RPS19: variants seen among roughly 807,000 people sequenced by gnomAD.
The protein encoded by RPS19 is small ribosomal subunit protein eS19.
RPS19 carries 1 observed loss-of-function variant against 20.3 expected under a neutral mutation model. That is an observed-to-expected ratio of 0.05 (90% CI 0.02 to 0.23). The LOEUF (loss-of-function observed/expected upper bound fraction) is 0.23, where lower values mean the gene tolerates loss of function less well. Among genes scored for constraint, RPS19 ranks in the 10% least tolerant of loss-of-function variants. The pLI is 1.00. For synonymous variants in RPS19, 87 were observed against 74.8 expected, an observed-to-expected ratio of 1.16 and a Z score of -0.84; for missense variants, 111 against 192.7, an observed-to-expected ratio of 0.58 and a Z score of 2.51.
intron 3 of RPS19, chr19:41,864,168 T>G (rs186747771): frequency 1.3e-5 from 2 of 152,274 alleles, no homozygotes; most frequent in East Asian, 3.9e-4. Context: ...TCTTAATTCT[T>G]TAAAGGACCT....
In RPS19 at chr19:41,868,401, C is replaced by G. The variant is rs570579846; in HGVS notation, c.173-630C>G. Among the ~76,000 whole-genome samples the G allele has an allele frequency of 8.5e-5, 13 of 152,276 alleles. No individual in the cohort carries two copies. The East Asian group carries it at 1.5e-3, about 18-fold the overall frequency. On this transcript the variant is annotated intron_variant, in intron 3 of 5. Coordinates refer to ENST00000598742, the MANE Select transcript of RPS19 (RefSeq NM_001022.4). Reference sequence around the variant, plus strand: ...CTCAGGTGAAGAAGGGTGGAGAGATCGAAAAGCATTTGGCACAGGGCCTGG... The same window carrying G: ...CTCAGGTGAAGAAGGGTGGAGAGATGGAAAAGCATTTGGCACAGGGCCTGG...
At chr19:41,869,299 G>A in intron 4 of RPS19, 85 bp downstream of exon 4, 2 of 1,295,004 alleles carry the variant, frequency 1.5e-6, no homozygotes, top group South Asian at 1.3e-5. Context: ...TGCATAGTCT[G>A]CCCAGCCCCT....
chr19:41,861,014 C>G (rs1035338195), intron 2 of RPS19, 98 bp from the exon 3 acceptor site: 2 of 1,131,302 alleles, frequency 1.8e-6, no homozygotes, highest in Non-Finnish European at 2.7e-6. Flanking sequence ...TCTTTGTACT[C>G]TGGGCACAGC....
chr19:41,861,377 T>TC (rs2074030356), intron 3 of RPS19, 165 bp downstream of exon 3: 1 of 647,392 alleles, frequency 1.5e-6, no homozygotes, highest in Non-Finnish European at 2.8e-6. Flanking sequence ...AACTTGGTAC[T>TC]CCAAGTTTTT....
intron 3 of RPS19, among the ~76,000 whole-genome samples, chr19:41,866,371 G>A (rs1241748988): frequency 1.3e-5 from 2 of 152,266 alleles, no homozygotes; most frequent in Non-Finnish European, 2.9e-5. Flanking sequence ...ACCAGCTACA[G>A]GGCCCAGAGG....
At position 41,871,900 on chromosome 19, in the gene RPS19, C is replaced by G. The variant is rs1323339558; in HGVS notation, c.*523C>G. ...AGAGGGCCCAGGGTTCATGCTCTTC[C>G]CTGGAAGGTAGAAAAGGACAGACCA... is the stretch of plus-strand genomic sequence containing the variant. On this transcript the variant is annotated 3_prime_UTR_variant, in exon 6 of 6. Transcript: ENST00000598742. The G allele has an allele frequency of 2.3e-5, 4 of 174,598 alleles. No homozygotes were observed. Among genetic ancestry groups the G allele is most frequent in the African/African-American group, 9.6e-5 (4 of 41,736 alleles). 10.8% of individuals were successfully genotyped at this position (174,598 alleles called of 1,614,324 possible).
chr19:41,860,927 C>G, intron 2 of RPS19, 82 bp downstream of exon 2: 1 of 1,339,670 alleles, frequency 7.5e-7, no homozygotes, highest in Non-Finnish European at 1.1e-6. Flanking sequence ...TTGCCGGTCC[C>G]TGGCAGGCGA....
At position 41,862,884 on chromosome 19, in the gene RPS19, G is replaced by C. The variant is rs376001432; in HGVS notation, c.172+1672G>C. ...CCAGCTGTCCTAGCGGCATAGGATGGTTGTGTGGTAGACCAGAGGCCTGTT... is the reference window on the plus strand; with the variant it reads ...CCAGCTGTCCTAGCGGCATAGGATGCTTGTGTGGTAGACCAGAGGCCTGTT... On this transcript the variant is annotated intron_variant, in intron 3 of 5. Transcript: ENST00000598742. Among the ~76,000 whole-genome samples, 12 of 152,258 alleles carry C rather than the reference G, an allele frequency of 7.9e-5. No homozygotes were observed. The South Asian group carries it at 2.1e-3, about 26-fold the overall frequency.
At chr19:41,870,782 G>C (rs1489726363) in intron 5 of RPS19, among the ~76,000 whole-genome samples, 1 of 151,018 alleles carries the variant, frequency 6.6e-6, no homozygotes, top group Non-Finnish European at 1.5e-5. Context: ...ATCATTGCTG[G>C]TGGTTGGATG....
In RPS19 at chr19:41,869,228, A is replaced by C. The variant is rs1366610; in HGVS notation, c.356+14A>C. ...GGACCAAGATGGGTAAGCAGGGTAGAGGGGGCTGCATTGATGGAGTAGCCT... is the reference window on the plus strand; with the variant it reads ...GGACCAAGATGGGTAAGCAGGGTAGCGGGGGCTGCATTGATGGAGTAGCCT... On this transcript the variant is annotated intron_variant, in intron 4 of 5. Coordinates refer to ENST00000598742, the MANE Select transcript of RPS19 (RefSeq NM_001022.4). 11 of 1,610,426 alleles carry C rather than the reference A, an allele frequency of 6.8e-6. No homozygotes were observed. The highest frequency in any genetic ancestry group is 1.7e-5 in the Admixed American group (1 of 59,806).
chr19:41,868,982 C>G, intron 3 of RPS19, 49 bp from the exon 4 acceptor site: 2 of 1,574,388 alleles, frequency 1.3e-6, no homozygotes, highest in Non-Finnish European at 1.7e-6. Context: ...AATTGTTTAC[C>G]TGAGACCTTG....
chr19:41,868,867 C>T (rs1311612248), intron 3 of RPS19, among the ~76,000 whole-genome samples, 164 bp from the exon 4 acceptor site: 1 of 144,524 alleles, frequency 6.9e-6, no homozygotes, highest in Admixed American at 6.9e-5. Flanking sequence ...AAGAGCTAGC[C>T]GGGGGGGTGG....
intron 3 of RPS19, among the ~76,000 whole-genome samples, chr19:41,865,754 C>G (rs1403628338): frequency 1.3e-5 from 2 of 151,052 alleles, no homozygotes; most frequent in Non-Finnish European, 2.9e-5. Flanking sequence ...CGAGACCATC[C>G]TGGCTAACAT....
Position 41,860,813 on chromosome 19 carries a change from G to C in RPS19, c.39G>C (p.Glu13Asp). The C allele has an allele frequency of 6.2e-7, 1 of 1,614,036 alleles. No homozygotes were observed. Among genetic ancestry groups the C allele is most frequent in the Non-Finnish European group, 8.5e-7 (1 of 1,179,880 alleles). The change falls in exon 2 of 6, where the codon GAG (glutamate) becomes GAC (aspartate). Residue 13 changes from glutamate (E) to aspartate (D), a missense_variant. Glu to Asp is a conservative substitution (Grantham distance 45). Coordinates refer to ENST00000598742, the MANE Select transcript of RPS19 (RefSeq NM_001022.4). ...GVTVKDVNQQ[E>D]FVRALAAFLK... ...CTGTAAAAGACGTGAACCAGCAGGA[G>C]TTCGTCAGAGCTCTGGCAGCCTTCC... is the stretch of plus-strand genomic sequence containing the variant.
chr19:41,867,197 G>T (rs1228026453), intron 3 of RPS19, among the ~76,000 whole-genome samples: 1 of 151,412 alleles, frequency 6.6e-6, no homozygotes, highest in Non-Finnish European at 1.5e-5. Flanking sequence ...CAACTATTCA[G>T]GAGGTCAAAG....
chr19:41,864,798 G>T (rs1039599719), intron 3 of RPS19: 1 of 152,208 alleles, frequency 6.6e-6, no homozygotes, highest in Non-Finnish European at 1.5e-5. Context: ...CAACTTGCTC[G>T]CAATTGGCCC....
chr19:41,870,404 A>T (rs2074134660), intron 5 of RPS19, among the ~76,000 whole-genome samples: 3 of 152,024 alleles, frequency 2.0e-5, no homozygotes, highest in African/African-American at 7.2e-5. Flanking sequence ...TGCTTGGGAG[A>T]GGTGGAGATA....
chr19:41,861,631 G>A (rs782791965), intron 3 of RPS19: 11 of 294,480 alleles, frequency 3.7e-5, no homozygotes, highest in Non-Finnish European at 6.7e-5. Context: ...CAGTACTAGA[G>A]TATTGCAAGG....
intron 3 of RPS19, among the ~76,000 whole-genome samples, chr19:41,862,489 T>TC (rs5828131): frequency 6.6e-6 from 1 of 152,052 alleles, no homozygotes; most frequent in African/African-American, 2.4e-5. Flanking sequence ...CCTCCACCTG[T>TC]CCCCCCATCT....
Sources: allele counts gnomAD v4.1 joint callset (sites outside exome capture counted in the v4.1 genomes callset), GRCh38; gene constraint gnomAD v4.1.1; transcripts MANE v1.5; gene names NCBI Gene and HGNC (gene_info 2026-07-23, HGNC 2026-07-21).